STAM2: variants seen among roughly 807,000 people sequenced by gnomAD.
STAM2 encodes the protein signal transducing adapter molecule 2.
Under a neutral mutation model 65.6 loss-of-function variants are expected in STAM2, and 51 were observed. That is an observed-to-expected ratio of 0.78 (90% CI 0.62 to 0.98). The LOEUF is 0.98. Among genes scored for constraint, STAM2 ranks in the 50% least tolerant of loss-of-function variants. STAM2 has a pLI of 0.00. For missense variants in STAM2, 584 were observed against 617.8 expected (o/e 0.95, Z 0.58); for synonymous variants, 198 against 208.4 (o/e 0.95, Z 0.43).
intron 7 of STAM2, among the ~76,000 whole-genome samples, chr2:152,138,859 G>A (rs1689199502): frequency 6.6e-6 from 1 of 152,100 alleles, no homozygotes; most frequent in Non-Finnish European, 1.5e-5. Context: ...TGTATAAAAC[G>A]AGAAAACCCA....
chr2:152,165,970 A>G (rs1211575077), intron 1 of STAM2, among the ~76,000 whole-genome samples: 1 of 152,184 alleles, frequency 6.6e-6, no homozygotes, highest in Non-Finnish European at 1.5e-5. Context: ...CGGGAGGTCA[A>G]GGCGGGCGGA....
intron 7 of STAM2, among the ~76,000 whole-genome samples, chr2:152,136,218 G>C (rs1689151269): frequency 6.6e-6 from 1 of 151,966 alleles, no homozygotes; most frequent in African/African-American, 2.4e-5. Context: ...CGAGGCGAGT[G>C]GATCACCTGA....
rs551890605 is a variant in STAM2 at position 152,134,614 on chromosome 2, G to C, written c.799+895C>G. ...CTGATATATCCCTCAGTGAGTCATT[G>C]TTAAGGTCAAACTGACTGACTTTAG... On this transcript the variant is annotated intron_variant, in intron 8 of 13. Transcript: ENST00000263904. Among the ~76,000 whole-genome samples the C allele has an allele frequency of 5.9e-5, 9 of 152,244 alleles. No homozygotes were observed. The South Asian group carries it at 1.9e-3, about 32-fold the overall frequency.
chr2:152,154,801 G>A (rs776750230), intron 1 of STAM2, among the ~76,000 whole-genome samples: 2 of 152,020 alleles, frequency 1.3e-5, no homozygotes, highest in African/African-American at 4.8e-5. Flanking sequence ...AGAAATATAC[G>A]TCTATACCAG....
intron 7 of STAM2, among the ~76,000 whole-genome samples, chr2:152,141,577 GTTTT>G (rs1364139758): frequency 7.0e-4 from 105 of 151,062 alleles, no homozygotes; most frequent in African/African-American, 2.2e-3. Flanking sequence ...TCAGCTCAAT[GTTTT>G]TTTGTTTGTT....
intron 1 of STAM2, among the ~76,000 whole-genome samples, chr2:152,173,468 C>T (rs1689941158): frequency 6.7e-6 from 1 of 150,298 alleles, no homozygotes; most frequent in East Asian, 1.9e-4. Context: ...GAGATATTGG[C>T]TCACTGCAAC....
At chr2:152,140,129 T>C (rs952597778) in intron 7 of STAM2, among the ~76,000 whole-genome samples, 19 of 152,174 alleles carry the variant, frequency 1.2e-4, no homozygotes, top group African/African-American at 4.3e-4. Flanking sequence ...CAGAGAGCTA[T>C]AGCTCAAAGA....
intron 7 of STAM2, 84 bp from the exon 8 acceptor site, chr2:152,135,687 T>C (rs1392158254): frequency 1.2e-6 from 1 of 868,766 alleles, no homozygotes; most frequent in Non-Finnish European, 1.9e-6. Flanking sequence ...AAATTTAGCC[T>C]CCTTTGAATA....
intron 1 of STAM2, among the ~76,000 whole-genome samples, chr2:152,175,286 A>C (rs961176351): frequency 1.3e-5 from 2 of 152,194 alleles, no homozygotes; most frequent in African/African-American, 4.8e-5. Flanking sequence ...GGAAGTTTTT[A>C]ATCACCAACT....
rs1198467763 is a variant in STAM2 at position 152,132,111 on chromosome 2, C to T, written c.1025+3G>A. The stretch of plus-strand genomic sequence containing the variant: ...CTTTTTATTCCTGCACGAAAAATCT[C>T]ACCTATCAATTTCTTCAAGTTTTTC... On this transcript the variant is annotated splice_donor_region_variant and intron_variant, in intron 11 of 13. Coordinates refer to ENST00000263904, the MANE Select transcript of STAM2 (RefSeq NM_005843.6). 4 of 1,610,224 alleles carry T rather than the reference C, an allele frequency of 2.5e-6. No homozygotes were observed. The South Asian group carries it at 3.3e-5, about 13-fold the overall frequency.
chr2:152,149,026 C>G (rs1689390143), intron 2 of STAM2, among the ~76,000 whole-genome samples: 1 of 152,212 alleles, frequency 6.6e-6, no homozygotes, highest in South Asian at 2.1e-4. Flanking sequence ...ATGCTTTCAT[C>G]ACTCTTCTAA....
At chr2:152,147,894 C>A in intron 4 of STAM2, 130 bp downstream of exon 4, 1 of 713,054 alleles carries the variant, frequency 1.4e-6, no homozygotes, top group Non-Finnish European at 2.3e-6. Flanking sequence ...AATTTCAGAA[C>A]AGTTTATTTC....
intron 7 of STAM2, among the ~76,000 whole-genome samples, chr2:152,138,905 C>A (rs1263793065): frequency 6.6e-6 from 1 of 152,114 alleles, no homozygotes; most frequent in African/African-American, 2.4e-5. Context: ...TTATATGAAC[C>A]TACCAACAAC....
rs1426453581 is a variant in STAM2 at position 152,150,121 on chromosome 2, A to T, written c.125+24T>A. On this transcript the variant is annotated intron_variant, in intron 2 of 13. Transcript: ENST00000263904. ...CTGGTTATCAAGTTCCTAGACATTCACTGAGCATGACTGGACATCTTACCC... is the reference window on the plus strand; with the variant it reads ...CTGGTTATCAAGTTCCTAGACATTCTCTGAGCATGACTGGACATCTTACCC... The T allele has an allele frequency of 2.7e-6, 4 of 1,502,300 alleles. No individual in the cohort carries two copies. The South Asian group carries it at 4.6e-5, about 17-fold the overall frequency. The allele number at this position is 1,502,300 out of a possible 1,614,324, so 93.1% of individuals were successfully genotyped here. A position where few individuals can be genotyped will look rare whatever the true frequency, so the allele number is the denominator to read the frequency against.
intron 6 of STAM2, 71 bp downstream of exon 6, chr2:152,144,817 G>C: frequency 1.5e-6 from 2 of 1,343,184 alleles, no homozygotes; most frequent in Non-Finnish European, 2.1e-6. Flanking sequence ...GATTACAGGC[G>C]TGAGCCACCG....
rs1161024209 is a variant in STAM2 at position 152,119,293 on chromosome 2, A to G, written c.*1281T>C. Reference sequence around the variant, plus strand: ...GGTTTACTACCAAACTCTCACAGTTATATAGAATCTATTAGCACTATAAAC... The same window carrying G: ...GGTTTACTACCAAACTCTCACAGTTGTATAGAATCTATTAGCACTATAAAC... On this transcript the variant is annotated 3_prime_UTR_variant, in exon 14 of 14. Transcript: ENST00000263904. 6.6e-6 allele frequency: 1 copy of G among 152,200 alleles called. No individual in the cohort carries two copies. Among genetic ancestry groups the G allele is most frequent in the Non-Finnish European group, 1.5e-5 (1 of 68,014 alleles). 9.4% of individuals were successfully genotyped at this position (152,200 alleles called of 1,614,324 possible).
intron 1 of STAM2, among the ~76,000 whole-genome samples, chr2:152,173,613 T>C (rs1357031887): frequency 6.6e-6 from 1 of 151,884 alleles, no homozygotes; most frequent in African/African-American, 2.4e-5. Flanking sequence ...GTCAGGCTGG[T>C]CTCAAACTCC....
chr2:152,175,498 G>T, intron 1 of STAM2, 105 bp downstream of exon 1: 1 of 1,467,134 alleles, frequency 6.8e-7, no homozygotes, highest in Non-Finnish European at 9.5e-7. Context: ...CCCTCCCTTC[G>T]CTTTGCTTCC....
Position 152,147,281 on chromosome 2 carries a change from TCA to T in STAM2, c.326_327del (p.Leu109GlnfsTer18). The T allele has an allele frequency of 6.2e-7, 1 of 1,600,316 alleles. No homozygotes were observed. The highest frequency in any genetic ancestry group is 2.3e-5 in the East Asian group (1 of 44,068). Reference protein sequence around the residue: ...NKAHPKVCEKLKSLMVEWSEE... With the variant: ...NKAHPKVCEKXKSLMVEWSEE... The stretch of plus-strand genomic sequence containing the variant: ...TCTGACCACTCCACCATTAAAGATT[TCA>T]GTTTTTCACATACTTTAGGATGTGC... On this transcript the variant is annotated frameshift_variant, in exon 5 of 14. Transcript: ENST00000263904. LOFTEE classifies it high-confidence loss of function.
Sources: allele counts gnomAD v4.1 joint callset (sites outside exome capture counted in the v4.1 genomes callset), GRCh38; gene constraint gnomAD v4.1.1; transcripts MANE v1.5; gene names NCBI Gene and HGNC (gene_info 2026-07-23, HGNC 2026-07-21).